Variants in AGBL4 observed in about 807,000 individuals in gnomAD.
AGBL4 encodes the protein cytosolic carboxypeptidase 6.
In AGBL4, 58 loss-of-function variants were observed where a neutral mutation model predicts 66.4. The observed-to-expected ratio is 0.87, with a 90% confidence interval of 0.71 to 1.09. The LOEUF is 1.09. Ranked by LOEUF, AGBL4 falls within the 50% of genes least tolerant of loss-of-function variation. The probability of loss-of-function intolerance (pLI) is 0.00; values close to 1 mark genes in which losing one functional copy is unlikely to be tolerated. For missense variants in AGBL4, 579 were observed against 631.0 expected (o/e 0.92, Z 0.88); for synonymous variants, 234 against 222.9 (o/e 1.05, Z -0.44).
At chr1:49,551,226 T>C (rs1267374622) in intron 3 of AGBL4, among the ~76,000 whole-genome samples, 6 of 152,240 alleles carry the variant, frequency 3.9e-5, no homozygotes, top group Non-Finnish European at 8.8e-5. Flanking sequence ...TTTCCTTGCA[T>C]TGGGCTTTGC....
chr1:48,936,862 G>C (rs1655523901), intron 5 of AGBL4, among the ~76,000 whole-genome samples: 1 of 152,142 alleles, frequency 6.6e-6, no homozygotes, highest in Admixed American at 6.5e-5. Context: ...CAGCAAGTTT[G>C]AGGAAAAACT....
At chr1:49,670,788 T>G (rs529525213) in intron 3 of AGBL4, among the ~76,000 whole-genome samples, 2 of 152,178 alleles carry the variant, frequency 1.3e-5, no homozygotes, top group South Asian at 4.1e-4. Flanking sequence ...GAAGCCAGAC[T>G]AAAAAATAAA....
At chr1:48,651,906 CA>C (rs1645936667) in intron 8 of AGBL4, among the ~76,000 whole-genome samples, 2 of 152,206 alleles carry the variant, frequency 1.3e-5, no homozygotes, top group Non-Finnish European at 2.9e-5. Flanking sequence ...TCATATTCAT[CA>C]AACACTTTTT....
intron 3 of AGBL4, among the ~76,000 whole-genome samples, chr1:49,285,975 C>A (rs2148415299): frequency 6.6e-6 from 1 of 152,250 alleles, no homozygotes; most frequent in East Asian, 1.9e-4. Flanking sequence ...AAAATACGGG[C>A]AAAATGAATC....
At chr1:49,933,501 A>T (rs181568459) in intron 1 of AGBL4, among the ~76,000 whole-genome samples, 1 of 152,262 alleles carries the variant, frequency 6.6e-6, no homozygotes, top group Admixed American at 6.5e-5. Context: ...GACAAATTAG[A>T]ATACTGTCAT....
At chr1:49,788,278 T>C (rs1221446727) in intron 2 of AGBL4, among the ~76,000 whole-genome samples, 1 of 152,070 alleles carries the variant, frequency 6.6e-6, no homozygotes, top group Non-Finnish European at 1.5e-5. Context: ...ACTAAGTCTA[T>C]ATAATGTCAA....
At chr1:49,756,550 C>T (rs1029215070) in intron 2 of AGBL4, among the ~76,000 whole-genome samples, 11 of 152,258 alleles carry the variant, frequency 7.2e-5, no homozygotes, top group African/African-American at 2.6e-4. Flanking sequence ...AAGACTTATA[C>T]AGTTTGGCTA....
chr1:48,580,284 A>C (rs1299987123), intron 11 of AGBL4, among the ~76,000 whole-genome samples: 1 of 152,190 alleles, frequency 6.6e-6, no homozygotes, highest in Non-Finnish European at 1.5e-5. Context: ...TTCGTGAGGG[A>C]CTGCCCATGC....
chr1:49,410,842 G>T (rs1465184545), intron 3 of AGBL4, among the ~76,000 whole-genome samples: 1 of 152,132 alleles, frequency 6.6e-6, no homozygotes, highest in South Asian at 2.1e-4. Flanking sequence ...TGACAGTAAC[G>T]TCAATGATGG....
intron 6 of AGBL4, among the ~76,000 whole-genome samples, chr1:48,782,536 T>C (rs1011600394): frequency 6.6e-6 from 1 of 152,244 alleles, no homozygotes; most frequent in Non-Finnish European, 1.5e-5. Context: ...CCACATTTTT[T>C]CATGATTTTG....
chr1:48,810,707 G>A lies in AGBL4; in HGVS notation c.634+56484C>T, dbSNP rs57703537. Among the ~76,000 whole-genome samples, 304 of 152,316 alleles carry A rather than the reference G, an allele frequency of 2.0e-3. 14 individuals are homozygous for A. The East Asian group carries it at 0.053, about 26-fold the overall frequency. On this transcript the variant is annotated intron_variant, in intron 6 of 13. Transcript: ENST00000371839. Reference sequence around the variant, plus strand: ...ACAAATAAATGAACTTTACTGTGATGAGCTACTGAGATTTGGGAGTTTTTC... The same window carrying A: ...ACAAATAAATGAACTTTACTGTGATAAGCTACTGAGATTTGGGAGTTTTTC...
chr1:49,316,203 T>C (rs1483244655), intron 3 of AGBL4, among the ~76,000 whole-genome samples: 1 of 152,014 alleles, frequency 6.6e-6, no homozygotes, highest in Non-Finnish European at 1.5e-5. Flanking sequence ...TATGTTATCA[T>C]ACATTTGTTA....
intron 3 of AGBL4, among the ~76,000 whole-genome samples, chr1:49,503,419 C>T (rs944732753): frequency 2.0e-5 from 3 of 152,138 alleles, no homozygotes; most frequent in African/African-American, 4.8e-5. Flanking sequence ...ACACAGAGTC[C>T]TCAATGGGGC....
intron 4 of AGBL4, among the ~76,000 whole-genome samples, chr1:49,190,401 A>G (rs1647094538): frequency 6.6e-6 from 1 of 152,218 alleles, no homozygotes; most frequent in South Asian, 2.1e-4. Flanking sequence ...CCCTGAAGGG[A>G]AAAGGCTTGG....
intron 3 of AGBL4, among the ~76,000 whole-genome samples, chr1:49,532,180 A>G (rs1483945405): frequency 6.6e-6 from 1 of 152,128 alleles, no homozygotes; most frequent in Non-Finnish European, 1.5e-5. Flanking sequence ...CTAGACTGTC[A>G]TCTCTATGAA....
intron 6 of AGBL4, chr1:48,742,668 G>A (rs146041042): frequency 9.3e-6 from 15 of 1,609,206 alleles, no homozygotes; most frequent in East Asian, 4.5e-5. Flanking sequence ...GCGCAGGAGC[G>A]GGGTAATAGG....
intron 9 of AGBL4, among the ~76,000 whole-genome samples, chr1:48,625,036 T>A (rs540573504): frequency 6.6e-6 from 1 of 152,100 alleles, no homozygotes; most frequent in South Asian, 2.1e-4. Flanking sequence ...GCCTCCTGAG[T>A]AGCTAAGACT....
chr1:48,722,253 G>GA (rs1257701096), intron 6 of AGBL4, among the ~76,000 whole-genome samples: 1 of 152,096 alleles, frequency 6.6e-6, no homozygotes, highest in Non-Finnish European at 1.5e-5. Flanking sequence ...AGATGAAATG[G>GA]AACAGGGACG....
intron 1 of AGBL4, among the ~76,000 whole-genome samples, chr1:49,895,297 A>C (rs1448465970): frequency 6.6e-6 from 1 of 152,070 alleles, no homozygotes; most frequent in Non-Finnish European, 1.5e-5. Flanking sequence ...ATTAATGAAC[A>C]CTAAGAAATC....
Sources: gnomAD v4.1 joint callset for allele counts (sites outside exome capture counted in the v4.1 genomes callset) on GRCh38, gnomAD v4.1.1 for gene constraint, MANE v1.5 for transcripts, NCBI Gene and HGNC (gene_info 2026-07-23, HGNC 2026-07-21) for gene names.